GLIS3: variants seen among roughly 807,000 people sequenced by gnomAD.
GLIS3 encodes the protein GLIS family zinc finger 3.
Under a neutral mutation model 78.6 loss-of-function variants are expected in GLIS3, and 53 were observed. That is an observed-to-expected ratio of 0.67 (90% CI 0.54 to 0.85). GLIS3 has a LOEUF of 0.85. Ranked by LOEUF, GLIS3 falls within the 40% of genes least tolerant of loss-of-function variation. The pLI is 0.00. For missense variants in GLIS3, 1,703 were observed against 1,231.1 expected, an observed-to-expected ratio of 1.38 and a Z score of -5.74; for synonymous variants, 684 against 509.9, an observed-to-expected ratio of 1.34 and a Z score of -4.60.
chr9:4,138,659 G>C (rs1833585706), intron 2 of GLIS3, among the ~76,000 whole-genome samples: 1 of 152,192 alleles, frequency 6.6e-6, no homozygotes, highest in Non-Finnish European at 1.5e-5. Context: ...TCCCTTACCA[G>C]CTGTGTGACC....
At chr9:4,133,874 A>ACC (rs1554711174) in intron 2 of GLIS3, among the ~76,000 whole-genome samples, 9,492 of 123,874 alleles carry the variant, frequency 0.077, 651 homozygotes, top group African/African-American at 0.12. Context: ...ACACACACAC[A>ACC]CCGTACATCT....
Position 4,046,697 on chromosome 9 carries a change from C to T in GLIS3, c.1710+71071G>A, listed in dbSNP as rs78847216. On this transcript the variant is annotated intron_variant, in intron 4 of 10. Coordinates refer to ENST00000381971, the MANE Select transcript of GLIS3 (RefSeq NM_001042413.2). Reference sequence around the variant, plus strand: ...GCATTTTTTGAGGGAAGTACATTCACTGGAATATATTTAGAGTTCCTCTAC... The same window carrying T: ...GCATTTTTTGAGGGAAGTACATTCATTGGAATATATTTAGAGTTCCTCTAC... 1.6e-4 allele frequency among the ~76,000 whole-genome samples: 25 copies of T among 152,262 alleles called. No individual in the cohort carries two copies. The East Asian group carries it at 4.1e-3, about 25-fold the overall frequency.
intron 2 of GLIS3, among the ~76,000 whole-genome samples, chr9:4,260,816 G>A (rs1026208926): frequency 1.3e-5 from 2 of 152,072 alleles, no homozygotes; most frequent in Admixed American, 6.6e-5. Flanking sequence ...AAATACTTCT[G>A]GCTCATTACT....
chr9:4,205,968 A>C (rs1375598796), intron 2 of GLIS3, among the ~76,000 whole-genome samples: 1 of 152,104 alleles, frequency 6.6e-6, no homozygotes, highest in Non-Finnish European at 1.5e-5. Context: ...GTTTTTGTTC[A>C]TTGTTTGTTT....
intron 4 of GLIS3, among the ~76,000 whole-genome samples, chr9:4,073,096 A>T (rs1170853869): frequency 6.6e-6 from 1 of 152,158 alleles, no homozygotes; most frequent in Non-Finnish European, 1.5e-5. Flanking sequence ...CTCAAATTGG[A>T]AAGCAGGCTT....
intron 2 of GLIS3, among the ~76,000 whole-genome samples, chr9:4,140,983 A>G (rs1833769614): frequency 6.6e-6 from 1 of 152,116 alleles, no homozygotes; most frequent in Non-Finnish European, 1.5e-5. Context: ...TATTTTTAGT[A>G]GAGACGGGGT....
the GLIS3 span, among the ~76,000 whole-genome samples, chr9:4,412,406 A>T: frequency 6.6e-5 from 10 of 152,296 alleles, no homozygotes; most frequent in African/African-American, 2.4e-4. Context: ...CCAAATCATT[A>T]ATTCTGAACT....
intron 1 of GLIS3, among the ~76,000 whole-genome samples, chr9:4,297,848 G>A (rs926812777): frequency 2.6e-5 from 4 of 152,178 alleles, no homozygotes; most frequent in African/African-American, 7.2e-5. Context: ...GGGGAGAGGC[G>A]CGTAGGACAA....
At chr9:4,335,008 A>C (rs1184029021) in intron 2 of GLIS3, among the ~76,000 whole-genome samples, 1 of 141,896 alleles carries the variant, frequency 7.0e-6, no homozygotes, top group Non-Finnish European at 1.5e-5. Context: ...TCCCGGGTTC[A>C]TGCCATTCTC....
At chr9:4,475,509 G>A in the GLIS3 span, among the ~76,000 whole-genome samples, 2 of 152,128 alleles carry the variant, frequency 1.3e-5, no homozygotes. Context: ...TATCACTTGT[G>A]AACTTGTTAA....
chr9:4,278,105 C>CA (rs900236042), intron 2 of GLIS3, among the ~76,000 whole-genome samples: 20 of 151,806 alleles, frequency 1.3e-4, no homozygotes, highest in African/African-American at 3.9e-4. Context: ...GTAGACAGAG[C>CA]AAAAAAAATA....
the GLIS3 span, among the ~76,000 whole-genome samples, chr9:4,460,447 C>A: frequency 6.6e-6 from 1 of 152,300 alleles, no homozygotes; most frequent in South Asian, 2.1e-4. Context: ...TGGAAGTCCA[C>A]ACCATATGGT....
At chr9:4,228,736 C>G (rs1821998644) in intron 2 of GLIS3, among the ~76,000 whole-genome samples, 1 of 152,172 alleles carries the variant, frequency 6.6e-6, no homozygotes, top group Non-Finnish European at 1.5e-5. Context: ...GAAAAATGAT[C>G]AAAATGATGA....
the GLIS3 span, among the ~76,000 whole-genome samples, chr9:4,414,274 T>C: frequency 6.6e-6 from 1 of 152,188 alleles, no homozygotes; most frequent in Admixed American, 6.5e-5. Flanking sequence ...ATGAGCAAGA[T>C]TTCTGATAAA....
chr9:4,051,674 G>A (rs1825756775), intron 4 of GLIS3, among the ~76,000 whole-genome samples: 1 of 152,114 alleles, frequency 6.6e-6, no homozygotes, highest in Non-Finnish European at 1.5e-5. Flanking sequence ...AAAGAACATA[G>A]CAATAATTTT....
intron 4 of GLIS3, among the ~76,000 whole-genome samples, chr9:4,044,114 A>G (rs1489117263): frequency 6.6e-6 from 1 of 152,194 alleles, no homozygotes; most frequent in Non-Finnish European, 1.5e-5. Flanking sequence ...GAAGCTGAGC[A>G]ACCTTCTGAG....
chr9:3,948,617 T>G (rs945015099), intron 4 of GLIS3, among the ~76,000 whole-genome samples: 2 of 152,212 alleles, frequency 1.3e-5, no homozygotes, highest in Non-Finnish European at 2.9e-5. Flanking sequence ...AATAAGTCTA[T>G]GAAAAATTCT....
intron 4 of GLIS3, among the ~76,000 whole-genome samples, chr9:3,991,821 G>A (rs891096301): frequency 9.9e-5 from 15 of 151,682 alleles, no homozygotes; most frequent in African/African-American, 3.4e-4. Flanking sequence ...CTCCCGAGTA[G>A]CTGGGACTAC....
At chr9:4,012,420 T>C (rs1295978508) in intron 4 of GLIS3, among the ~76,000 whole-genome samples, 3 of 152,120 alleles carry the variant, frequency 2.0e-5, no homozygotes, top group Non-Finnish European at 4.4e-5. Context: ...TTTTTTTACC[T>C]GTATCAGGGG....
Sources: allele counts gnomAD v4.1 joint callset (sites outside exome capture counted in the v4.1 genomes callset), GRCh38; gene constraint gnomAD v4.1.1; transcripts MANE v1.5; gene names NCBI Gene and HGNC (gene_info 2026-07-23, HGNC 2026-07-21).